The following FARP1 variants were observed in gnomAD, a reference collection of about 807,000 sequenced individuals.
FARP1 encodes the protein FERM, ARH/RhoGEF and pleckstrin domain protein 1.
In FARP1, 52 loss-of-function variants were observed where a neutral mutation model predicts 128.8. The ratio of observed to expected loss-of-function variants is 0.40; its 90% CI spans 0.32 to 0.51. The LOEUF is 0.51. Among genes scored for constraint, FARP1 ranks in the 20% least tolerant of loss-of-function variants. FARP1 has a pLI of 0.45. For missense variants in FARP1, 1,333 were observed against 1,367.9 expected, an observed-to-expected ratio of 0.97 and a Z score of 0.40; for synonymous variants, 580 against 551.8, an observed-to-expected ratio of 1.05 and a Z score of -0.72.
intron 1 of FARP1, among the ~76,000 whole-genome samples, chr13:98,146,269 C>G (rs1875544942): frequency 6.6e-6 from 1 of 152,014 alleles, no homozygotes; most frequent in Non-Finnish European, 1.5e-5. Flanking sequence ...GCTCTTGTTT[C>G]CCAGGCTGGA....
At chr13:98,195,150 A>G (rs1236557362) in intron 1 of FARP1, among the ~76,000 whole-genome samples, 1 of 152,214 alleles carries the variant, frequency 6.6e-6, no homozygotes, top group African/African-American at 2.4e-5. Context: ...GTATTTCTCA[A>G]CAGTTACAGG....
intron 1 of FARP1, among the ~76,000 whole-genome samples, chr13:98,207,789 A>G (rs564370077): frequency 1.3e-5 from 2 of 152,150 alleles, no homozygotes; most frequent in Admixed American, 6.5e-5. Context: ...ATTTATTTTT[A>G]ACCATGAGAC....
At chr13:98,267,133 C>T (rs1453879213) in intron 2 of FARP1, among the ~76,000 whole-genome samples, 1 of 152,078 alleles carries the variant, frequency 6.6e-6, no homozygotes, top group African/African-American at 2.4e-5. Flanking sequence ...ACGGTTTCAG[C>T]CACAGGCTAA....
intron 4 of FARP1, among the ~76,000 whole-genome samples, chr13:98,366,815 A>T (rs1283076490): frequency 1.3e-5 from 2 of 152,100 alleles, no homozygotes; most frequent in African/African-American, 4.8e-5. Context: ...AGAGTTTGTT[A>T]ATTTTAATGC....
At chr13:98,439,639 C>T (rs1892440950) in intron 21 of FARP1, among the ~76,000 whole-genome samples, 2 of 152,198 alleles carry the variant, frequency 1.3e-5, no homozygotes, top group Non-Finnish European at 2.9e-5. Flanking sequence ...GGGGCTGCCT[C>T]CTGTCCCCCT....
rs149121405 is a variant in FARP1 at position 98,282,791 on chromosome 13, C to T, written c.172-60971C>T. Among the ~76,000 whole-genome samples the T allele has an allele frequency of 1.1e-3, 170 of 152,256 alleles. 2 individuals are homozygous for T. In the East Asian group the frequency reaches 0.029, roughly 26 times the overall value. ...CGGCACGTGCCTGTAGTCCCAGCTACTCAGGAGGCTGAGGCAGGAGAATCG... is the reference window on the plus strand; with the variant it reads ...CGGCACGTGCCTGTAGTCCCAGCTATTCAGGAGGCTGAGGCAGGAGAATCG... On this transcript the variant is annotated intron_variant, in intron 2 of 26. Transcript: ENST00000319562.
chr13:98,263,671 CA>C (rs1302728832), intron 2 of FARP1, among the ~76,000 whole-genome samples: 1 of 152,112 alleles, frequency 6.6e-6, no homozygotes, highest in South Asian at 2.1e-4. Context: ...GATCTGTGTG[CA>C]AAAATGTAGC....
intron 2 of FARP1, among the ~76,000 whole-genome samples, chr13:98,275,394 C>CAT (rs34772574): frequency 6.8e-5 from 10 of 146,418 alleles, no homozygotes; most frequent in South Asian, 6.4e-4. Flanking sequence ...TATATATATT[C>CAT]ATATATATAT....
intron 1 of FARP1, among the ~76,000 whole-genome samples, chr13:98,169,879 C>A (rs1566691372): frequency 6.6e-6 from 1 of 150,662 alleles, no homozygotes; most frequent in Non-Finnish European, 1.5e-5. Context: ...CCTAAGTTTT[C>A]AAAAAAAAAT....
intron 12 of FARP1, among the ~76,000 whole-genome samples, chr13:98,394,703 GGT>G (rs1371256752): frequency 6.6e-6 from 1 of 152,194 alleles, no homozygotes; most frequent in Non-Finnish European, 1.5e-5. Flanking sequence ...GGGAGGCTGA[GGT>G]GGGAGGATTG....
chr13:98,326,069 A>G (rs961576365), intron 2 of FARP1, among the ~76,000 whole-genome samples: 1 of 152,240 alleles, frequency 6.6e-6, no homozygotes, highest in Non-Finnish European at 1.5e-5. Flanking sequence ...GCTTTGAAAA[A>G]TGAATGAAAA....
intron 5 of FARP1, among the ~76,000 whole-genome samples, chr13:98,369,747 T>C (rs1889251687): frequency 6.6e-6 from 1 of 152,238 alleles, no homozygotes; most frequent in Non-Finnish European, 1.5e-5. Flanking sequence ...TGCCACATTT[T>C]CTTAATCCAG....
chr13:98,260,113 GC>G (rs1387042492), intron 2 of FARP1, among the ~76,000 whole-genome samples: 2 of 152,046 alleles, frequency 1.3e-5, no homozygotes, highest in African/African-American at 4.8e-5. Context: ...GAATAAGTAA[GC>G]CTTACATTGG....
intron 1 of FARP1, among the ~76,000 whole-genome samples, chr13:98,162,196 G>T (rs1876934611): frequency 6.6e-6 from 1 of 152,128 alleles, no homozygotes; most frequent in African/African-American, 2.4e-5. Context: ...AACTGTAGCG[G>T]GAATGTTTCC....
chr13:98,232,145 GTTTT>G (rs59209045), intron 2 of FARP1, among the ~76,000 whole-genome samples: 3 of 105,786 alleles, frequency 2.8e-5, no homozygotes, highest in East Asian at 2.5e-4. Context: ...TGTTTGGTTG[GTTTT>G]TTTTTTTTTT....
rs183637062 is a variant in FARP1 at position 98,376,402 on chromosome 13, A to G, written c.399-1419A>G. Among the ~76,000 whole-genome samples the G allele has an allele frequency of 3.3e-4, 50 of 152,276 alleles. 1 individual carries two copies. The East Asian group carries it at 7.7e-3, about 23-fold the overall frequency. On this transcript the variant is annotated intron_variant, in intron 5 of 26. Coordinates refer to ENST00000319562, the MANE Select transcript of FARP1 (RefSeq NM_005766.4). ...TGTTTTTCTGTGCCTGGCTTATTTC[A>G]CTTAACATAATGACCTCCAGTTCCA...
intron 1 of FARP1, among the ~76,000 whole-genome samples, chr13:98,197,537 A>G (rs1469144832): frequency 6.6e-6 from 1 of 152,150 alleles, no homozygotes; most frequent in Non-Finnish European, 1.5e-5. Flanking sequence ...TGCAGGTAAC[A>G]TTTACATTTT....
At chr13:98,174,767 A>G (rs1329844808) in intron 1 of FARP1, among the ~76,000 whole-genome samples, 1 of 152,164 alleles carries the variant, frequency 6.6e-6, no homozygotes, top group Non-Finnish European at 1.5e-5. Flanking sequence ...TATGTCAGGC[A>G]CTGTTCTAAA....
chr13:98,295,291 C>T (rs1467432269), intron 2 of FARP1, among the ~76,000 whole-genome samples: 4 of 151,994 alleles, frequency 2.6e-5, no homozygotes, highest in Non-Finnish European at 5.9e-5. Flanking sequence ...TATTCCACTG[C>T]CAAGTTTAGA....
Sources: gnomAD v4.1 joint callset for allele counts (sites outside exome capture counted in the v4.1 genomes callset) on GRCh38, gnomAD v4.1.1 for gene constraint, MANE v1.5 for transcripts, NCBI Gene and HGNC (gene_info 2026-07-23, HGNC 2026-07-21) for gene names.